RBM41: variants seen among roughly 807,000 people sequenced by gnomAD.
RBM41 encodes the protein RNA-binding protein 41.
RBM41 carries 14 observed loss-of-function variants against 30.8 expected under a neutral mutation model. That is an observed-to-expected ratio of 0.45 (90% CI 0.30 to 0.71). The LOEUF (loss-of-function observed/expected upper bound fraction) is 0.71. RBM41 is among the 30% of genes least tolerant of loss of function. RBM41 has a pLI of 0.08. For synonymous variants in RBM41, 120 were observed against 110.1 expected, an observed-to-expected ratio of 1.09 and a Z score of -0.56; for missense variants, 276 against 326.3, an observed-to-expected ratio of 0.85 and a Z score of 1.19.
chrX:107,084,134 CAA>C (rs60197903), intron 6 of RBM41, among the ~76,000 whole-genome samples: 4 of 66,310 alleles, frequency 6.0e-5, no homozygotes, highest in Non-Finnish European at 6.4e-5. Flanking sequence ...TTTGGATTTA[CAA>C]AAAAAAAAAA....
rs1935885534 is a variant in RBM41 at position 107,067,506 on chromosome X, G to A, written c.*21C>T. On this transcript the variant is annotated 3_prime_UTR_variant, in exon 8 of 8. Transcript: ENST00000685964. ...TTCCAATTCAAGAAAGACCATCCAG[G>A]ACCCACAATTTATATATATTCTAGC... The A allele has an allele frequency of 2.5e-6, 3 of 1,179,534 alleles. No individual in the cohort carries two copies. In the East Asian group the frequency reaches 9.0e-5, roughly 35 times the overall value.
intron 6 of RBM41, chrX:107,070,250 A>G (rs1266684715): frequency 3.0e-6 from 1 of 329,932 alleles, no homozygotes; most frequent in Non-Finnish European, 5.9e-6. Flanking sequence ...TTGTCAGAAG[A>G]TGGGGAATGC....
At chrX:107,067,725 T>C in intron 7 of RBM41, 32 bp from the exon 8 acceptor site, 11 of 1,144,165 alleles carry the variant, frequency 9.6e-6, no homozygotes, top group Middle Eastern at 2.9e-4. Flanking sequence ...TCAATTTACA[T>C]AGGACTTAAT....
chrX:107,111,481 T>C (rs1243407160), intron 5 of RBM41, among the ~76,000 whole-genome samples: 1 of 111,224 alleles, frequency 9.0e-6, no homozygotes, highest in East Asian at 2.8e-4. Context: ...GAAACTGATA[T>C]GGCAGTTTCT....
At chrX:107,113,525 C>A in intron 4 of RBM41, 57 bp from the exon 5 acceptor site, 1 of 977,202 alleles carries the variant, frequency 1.0e-6, no homozygotes, top group Non-Finnish European at 1.3e-6. Context: ...GATTCATAAA[C>A]CACCCACCCT....
chrX:107,057,644 T>G (rs1275153721), downstream of RBM41, among the ~76,000 whole-genome samples: 1 of 112,360 alleles, frequency 8.9e-6, no homozygotes, highest in East Asian at 2.8e-4. Flanking sequence ...ATAGATTGTC[T>G]GTTAGGTTTA....
In RBM41 at chrX:107,064,696, T is replaced by A. The variant is rs1229688694; in HGVS notation, c.*2831A>T. 1 of 112,174 alleles carries A rather than the reference T, an allele frequency of 8.9e-6. No individual in the cohort carries two copies. Among genetic ancestry groups the A allele is most frequent in the Non-Finnish European group, 1.9e-5 (1 of 53,248 alleles). 9.2% of individuals were successfully genotyped at this position (112,174 alleles called of 1,213,427 possible). ...ATTAAGGCTTGTTTTATGCTTTAAC[T>A]TATGACCTATTTTGGAGATGTTTCA... On this transcript the variant is annotated 3_prime_UTR_variant, in exon 8 of 8. Transcript: ENST00000685964.
chrX:107,106,169 C>T (rs1412232508), intron 5 of RBM41, among the ~76,000 whole-genome samples: 1 of 111,362 alleles, frequency 9.0e-6, no homozygotes, highest in Non-Finnish European at 1.9e-5. Flanking sequence ...AACAAATTTA[C>T]AAGAAAAAAA....
chrX:107,067,376 C>T lies in RBM41; in HGVS notation c.*151G>A. 9.3e-7 allele frequency: 1 copy of T among 1,080,219 alleles called. No homozygotes were observed. The highest frequency in any genetic ancestry group is 3.1e-5 in the Admixed American group (1 of 32,043). The allele number at this position is 1,080,219 out of a possible 1,213,427, so 89.0% of individuals were successfully genotyped here. On this transcript the variant is annotated 3_prime_UTR_variant, in exon 8 of 8. Coordinates refer to ENST00000685964, the MANE Select transcript of RBM41 (RefSeq NM_001324242.2). ...TTATATAATAGAAAATGTTTTCTAC[C>T]AGTTCTCTCCAAAAGCTGAAATTAC...
Position 107,065,522 on chromosome X carries a change from T to C in RBM41, c.*2005A>G. On this transcript the variant is annotated 3_prime_UTR_variant, in exon 8 of 8. Coordinates refer to ENST00000685964, the MANE Select transcript of RBM41 (RefSeq NM_001324242.2). ...ACCCATCCCCCGCTTTGTGGTATTA[T>C]TGTTATATATGTTATTCCTATACAT... 7.3e-6 allele frequency: 2 copies of C among 275,420 alleles called. No individual in the cohort carries two copies. The highest frequency in any genetic ancestry group is 1.3e-5 in the Non-Finnish European group (2 of 158,121). 22.7% of individuals were successfully genotyped at this position (275,420 alleles called of 1,213,427 possible). A position where few individuals can be genotyped will look rare whatever the true frequency, so the allele number is the denominator to read the frequency against.
At chrX:107,116,998 T>C (rs902032393) in intron 1 of RBM41, among the ~76,000 whole-genome samples, 2 of 112,177 alleles carry the variant, frequency 1.8e-5, no homozygotes, top group Non-Finnish European at 3.8e-5. Context: ...ATAGTCCCTA[T>C]CCTCAAGAAG....
At chrX:107,090,194 T>G (rs949654696) in intron 5 of RBM41, among the ~76,000 whole-genome samples, 1 of 110,543 alleles carries the variant, frequency 9.0e-6, no homozygotes. Context: ...GCCAATATGG[T>G]GAAACCCCAT....
intron 6 of RBM41, among the ~76,000 whole-genome samples, chrX:107,073,496 T>C (rs1359731564): frequency 8.9e-6 from 1 of 112,055 alleles, no homozygotes; most frequent in Non-Finnish European, 1.9e-5. Flanking sequence ...TAACAAATGC[T>C]GGTGAGGATG....
intron 5 of RBM41, among the ~76,000 whole-genome samples, chrX:107,090,445 T>C (rs1227334542): frequency 1.8e-5 from 2 of 112,131 alleles, no homozygotes; most frequent in Non-Finnish European, 3.8e-5. Flanking sequence ...TATTTTCATA[T>C]ACTTTATCTG....
intron 6 of RBM41, among the ~76,000 whole-genome samples, chrX:107,086,607 A>G (rs1361451603): frequency 8.9e-6 from 1 of 112,124 alleles, no homozygotes; most frequent in Non-Finnish European, 1.9e-5. Context: ...AGAAACAGTA[A>G]TTACCCTAAC....
At chrX:107,099,521 C>T (rs1923266786) in intron 5 of RBM41, among the ~76,000 whole-genome samples, 1 of 112,029 alleles carries the variant, frequency 8.9e-6, no homozygotes, top group Non-Finnish European at 1.9e-5. Context: ...TTCACATTTG[C>T]TAAATGGGCA....
intron 5 of RBM41, among the ~76,000 whole-genome samples, chrX:107,110,272 A>G (rs966927839): frequency 9.0e-6 from 1 of 111,655 alleles, no homozygotes; most frequent in Non-Finnish European, 1.9e-5. Flanking sequence ...ACATAGGAAA[A>G]TATCTTTTTC....
At chrX:107,104,130 T>A (rs1923732249) in intron 5 of RBM41, among the ~76,000 whole-genome samples, 1 of 110,245 alleles carries the variant, frequency 9.1e-6, no homozygotes, top group Non-Finnish European at 1.9e-5. Context: ...TACCAGTATA[T>A]CACTACAGAT....
intron 5 of RBM41, among the ~76,000 whole-genome samples, chrX:107,089,889 T>C (rs1427475690): frequency 2.7e-5 from 3 of 111,911 alleles, no homozygotes; most frequent in Non-Finnish European, 3.8e-5. Context: ...AGTCTATTAA[T>C]TTATTAAGAG....
Sources: gnomAD v4.1 joint callset for allele counts (sites outside exome capture counted in the v4.1 genomes callset) on GRCh38, gnomAD v4.1.1 for gene constraint, MANE v1.5 for transcripts, NCBI Gene and HGNC (gene_info 2026-07-23, HGNC 2026-07-21) for gene names.